Variants in MAD1L1 observed in about 807,000 individuals in gnomAD.
The protein encoded by MAD1L1 is mitotic spindle assembly checkpoint protein MAD1.
In MAD1L1, 95 loss-of-function variants were observed where a neutral mutation model predicts 96.9. The ratio of observed to expected loss-of-function variants is 0.98; its 90% CI spans 0.83 to 1.16. MAD1L1 has a LOEUF of 1.16. Among genes scored for constraint, MAD1L1 ranks in the 50% most tolerant of loss-of-function variants. The probability of loss-of-function intolerance (pLI) is 0.00; values close to 1 mark genes in which losing one functional copy is unlikely to be tolerated. For synonymous variants in MAD1L1, 473 were observed against 396.6 expected (o/e 1.19, Z -2.29); for missense variants, 1,007 against 954.4 (o/e 1.06, Z -0.73).
chr7:2,216,200 C>G lies in MAD1L1; in HGVS notation c.766G>C (p.Glu256Gln), dbSNP rs1464784842. 1.2e-6 allele frequency: 2 copies of G among 1,613,998 alleles called. No individual in the cohort carries two copies. Among genetic ancestry groups the G allele is most frequent in the African/African-American group, 1.3e-5 (1 of 75,064 alleles). ...TCCCGCAGCTGCTTCAGCTCCCGTT[C>G]CAGCCTAGGGAGCCGTACCAGCTCA... ...KSELVRLPRL[E>Q]RELKQLREES... Residue 256 changes from glutamate to glutamine, a missense_variant, in exon 8 of 19, where the codon GAA (glutamate) becomes CAA (glutamine). Physicochemically the swap from Glu to Gln is conservative, Grantham distance 29. Transcript: ENST00000265854.
rs1279462234 is a variant in MAD1L1, at chr7:2,047,394, T to C, written c.1218+21800A>G. ...TGTTTTATTGGGGGCAGTTTAGCTC[T>C]TTATGGGTGAAGTTAACCAAAAGAA... On this transcript the variant is annotated intron_variant, in intron 12 of 18. Coordinates refer to ENST00000265854, the MANE Select transcript of MAD1L1 (RefSeq NM_001013836.2). 2.0e-5 allele frequency among the ~76,000 whole-genome samples: 3 copies of C among 152,210 alleles called. No homozygotes were observed. The East Asian group carries it at 5.8e-4, about 29-fold the overall frequency.
intron 15 of MAD1L1, among the ~76,000 whole-genome samples, chr7:1,970,890 C>T (rs911405124): frequency 5.3e-5 from 8 of 152,112 alleles, no homozygotes; most frequent in Non-Finnish European, 1.2e-4. Flanking sequence ...ACCTGCTCCC[C>T]GGATAAGGGT....
chr7:2,118,130 A>T (rs991395715), intron 11 of MAD1L1, among the ~76,000 whole-genome samples: 2 of 152,116 alleles, frequency 1.3e-5, no homozygotes, highest in African/African-American at 4.8e-5. Context: ...CCCGACACTC[A>T]TCCCAAGCCG....
chr7:2,000,600 G>A (rs1781750216), intron 14 of MAD1L1, among the ~76,000 whole-genome samples: 6 of 152,212 alleles, frequency 3.9e-5, no homozygotes, highest in South Asian at 4.1e-4. Context: ...GCGGCCCCGG[G>A]AGAATGCGGC....
intron 12 of MAD1L1, among the ~76,000 whole-genome samples, chr7:2,033,158 G>A (rs1027753277): frequency 1.3e-5 from 2 of 152,268 alleles, no homozygotes; most frequent in Non-Finnish European, 2.9e-5. Flanking sequence ...CCACGTGCCA[G>A]GCCCTGTGCT....
intron 12 of MAD1L1, among the ~76,000 whole-genome samples, chr7:2,032,771 G>C (rs558759739): frequency 6.6e-6 from 1 of 152,216 alleles, no homozygotes. Flanking sequence ...AAGTGGTGAG[G>C]GGGGTGGCGC....
At chr7:1,905,580 C>T (rs547058875) in intron 17 of MAD1L1, among the ~76,000 whole-genome samples, 2 of 152,234 alleles carry the variant, frequency 1.3e-5, no homozygotes, top group African/African-American at 2.4e-5. Context: ...AGCACTGTTC[C>T]AGGCAGCGAG....
intron 18 of MAD1L1, among the ~76,000 whole-genome samples, chr7:1,896,638 C>T (rs572940186): frequency 1.3e-5 from 2 of 152,340 alleles, no homozygotes; most frequent in African/African-American, 4.8e-5. Context: ...CAGCGGCCAC[C>T]TTTCGCGGGA....
At chr7:2,168,299 G>C (rs1411447619) in intron 10 of MAD1L1, among the ~76,000 whole-genome samples, 1 of 151,678 alleles carries the variant, frequency 6.6e-6, no homozygotes, top group African/African-American at 2.4e-5. Flanking sequence ...GAAAAAAAAA[G>C]AACAGTGAAT....
At chr7:2,056,779 T>C (rs1310977433) in intron 12 of MAD1L1, among the ~76,000 whole-genome samples, 4 of 152,162 alleles carry the variant, frequency 2.6e-5, no homozygotes, top group Admixed American at 2.6e-4. Context: ...CACAGAAACC[T>C]ACACAAGCGG....
At chr7:2,089,809 T>G in intron 11 of MAD1L1, among the ~76,000 whole-genome samples, 1 of 152,086 alleles carries the variant, frequency 6.6e-6, no homozygotes, top group East Asian at 1.9e-4. Context: ...CAAAACAAAG[T>G]GTCCAATAAT....
At chr7:2,053,454 G>A (rs139776316) in intron 12 of MAD1L1, among the ~76,000 whole-genome samples, 43 of 152,356 alleles carry the variant, frequency 2.8e-4, no homozygotes, top group Middle Eastern at 3.4e-3. Context: ...GCCAGCCGCC[G>A]GTGAACAAGG....
intron 18 of MAD1L1, among the ~76,000 whole-genome samples, chr7:1,827,512 T>G (rs58995363): frequency 0.032 from 1,533 of 47,264 alleles, 61 homozygotes; most frequent in African/African-American, 0.048. Flanking sequence ...GGGTGTGGGG[T>G]CCTCCCCTCC....
Position 2,120,358 on chromosome 7 carries a change from GC to G in MAD1L1, c.1073+28793del, listed in dbSNP as rs1375477959. Among the ~76,000 whole-genome samples the G allele has an allele frequency of 2.0e-5, 3 of 152,232 alleles. No homozygotes were observed. In the East Asian group the frequency reaches 5.8e-4, roughly 29 times the overall value. On this transcript the variant is annotated intron_variant, in intron 11 of 18. Transcript: ENST00000265854. ...CCCAGCTGATAACGAAGGCTGCGCT[GC>G]AGCAGCCTCTGCCTCCACAGCCAGC... is the stretch of plus-strand genomic sequence containing the variant.
intron 11 of MAD1L1, among the ~76,000 whole-genome samples, chr7:2,118,140 G>A (rs1295912173): frequency 2.0e-5 from 3 of 152,154 alleles, no homozygotes; most frequent in Admixed American, 6.5e-5. Context: ...ATCCCAAGCC[G>A]CCAGCCGGCC....
rs1031466492 is a variant in MAD1L1 at position 1,854,981 on chromosome 7, C to T, written c.1999-38753G>A. Reference sequence around the variant, plus strand: ...CACCTCTCGTCCACTGGGGAGGCCCCGCGCCCACCGCTGGCAGAGCTCCTG... The same window carrying T: ...CACCTCTCGTCCACTGGGGAGGCCCTGCGCCCACCGCTGGCAGAGCTCCTG... On this transcript the variant is annotated intron_variant, in intron 18 of 18. Coordinates refer to ENST00000265854, the MANE Select transcript of MAD1L1 (RefSeq NM_001013836.2). 2.0e-5 allele frequency among the ~76,000 whole-genome samples: 3 copies of T among 152,182 alleles called. No homozygotes were observed. The South Asian group carries it at 6.2e-4, about 32-fold the overall frequency.
At chr7:1,865,845 A>G (rs1430817787) in intron 18 of MAD1L1, among the ~76,000 whole-genome samples, 1 of 152,160 alleles carries the variant, frequency 6.6e-6, no homozygotes, top group Non-Finnish European at 1.5e-5. Context: ...GGCCCTGTGC[A>G]CCGCCTGGGG....
rs536385661 is a variant in MAD1L1 at position 2,156,546 on chromosome 7, G to C, written c.987-7308C>G. Among the ~76,000 whole-genome samples, 47 of 152,310 alleles carry C rather than the reference G, an allele frequency of 3.1e-4. 1 individual carries two copies. The East Asian group carries it at 5.4e-3, about 18-fold the overall frequency. On this transcript the variant is annotated intron_variant, in intron 10 of 18. Transcript: ENST00000265854. ...TAAATAGAGAGGGGAGGCTGGGCGC[G>C]CAGTGGCTCACGCCTATAATGCCAG...
At chr7:2,109,286 T>C (rs1350226639) in intron 11 of MAD1L1, among the ~76,000 whole-genome samples, 1 of 152,188 alleles carries the variant, frequency 6.6e-6, no homozygotes, top group African/African-American at 2.4e-5. Context: ...GTCCCTGCCT[T>C]AAGCAGCCCA....
Sources: gnomAD v4.1 joint callset for allele counts (sites outside exome capture counted in the v4.1 genomes callset) on GRCh38, gnomAD v4.1.1 for gene constraint, MANE v1.5 for transcripts, NCBI Gene and HGNC (gene_info 2026-07-23, HGNC 2026-07-21) for gene names.